The following DENND2A variants were observed in gnomAD, a reference collection of about 807,000 sequenced individuals.
DENND2A encodes DENN domain-containing protein 2A.
Under a neutral mutation model 105.3 loss-of-function variants are expected in DENND2A, and 53 were observed. The ratio of observed to expected loss-of-function variants is 0.50; its 90% CI spans 0.40 to 0.63. The LOEUF is 0.63. Ranked by LOEUF, DENND2A falls within the 30% of genes least tolerant of loss-of-function variation. The pLI, the probability that DENND2A is intolerant of heterozygous loss-of-function variation, is 0.00. For synonymous variants in DENND2A, 522 were observed against 508.4 expected, an observed-to-expected ratio of 1.03 and a Z score of -0.36; for missense variants, 1,138 against 1,279.6, an observed-to-expected ratio of 0.89 and a Z score of 1.69.
chr7:140,623,440 G>T (rs895758437), intron 1 of DENND2A, among the ~76,000 whole-genome samples: 2 of 149,336 alleles, frequency 1.3e-5, no homozygotes, highest in Non-Finnish European at 3.0e-5. Context: ...CCTAAAGAGC[G>T]TATGGAGGGC....
chr7:140,589,964 G>A (rs57561934), intron 3 of DENND2A, among the ~76,000 whole-genome samples: 5,508 of 152,156 alleles, frequency 0.036, 177 homozygotes, highest in African/African-American at 0.092. Flanking sequence ...GTCAAATTTC[G>A]AAATGATAAA....
intron 14 of DENND2A, 145 bp downstream of exon 14, chr7:140,544,473 G>T (rs1563129021): frequency 1.9e-6 from 2 of 1,035,696 alleles, no homozygotes; most frequent in African/African-American, 1.6e-5. Context: ...GAGATTACAG[G>T]TGTGAGTCAC....
chr7:140,544,274 A>G (rs1368522588), intron 14 of DENND2A: 3 of 402,108 alleles, frequency 7.5e-6, no homozygotes, highest in African/African-American at 2.0e-5. Context: ...AGCTCACTGC[A>G]ATGTCCACCT....
intron 2 of DENND2A, among the ~76,000 whole-genome samples, chr7:140,603,530 G>C (rs1219468738): frequency 1.3e-5 from 2 of 152,230 alleles, no homozygotes; most frequent in Admixed American, 1.3e-4. Flanking sequence ...CCTCACTAGA[G>C]TGAGCTCTTC....
At chr7:140,585,506 C>G (rs1156606018) in intron 5 of DENND2A, 83 bp downstream of exon 5, 1 of 1,581,030 alleles carries the variant, frequency 6.3e-7, no homozygotes, top group East Asian at 2.2e-5. Flanking sequence ...GCCTGGAATT[C>G]CAGTGCTGGC....
chr7:140,628,344 G>A (rs1003213095), intron 1 of DENND2A, among the ~76,000 whole-genome samples: 1 of 152,166 alleles, frequency 6.6e-6, no homozygotes, highest in Non-Finnish European at 1.5e-5. Context: ...GGTGCCAACT[G>A]TGAAAGTAAG....
In DENND2A at chr7:140,523,304, T is replaced by TA. The variant is rs1795928801; in HGVS notation, c.2665+2dup. 2 of 1,613,936 alleles carry TA rather than the reference T, an allele frequency of 1.2e-6. No individual in the cohort carries two copies. Among genetic ancestry groups the TA allele is most frequent in the Admixed American group, 1.7e-5 (1 of 59,994 alleles). ...ACCCACTGGGAGGTGGCTGAACACT[T>TA]ACCGTGCCTGCCGTCTAGGGGCCCT... On this transcript the variant is annotated splice_region_variant and intron_variant, in intron 17 of 19. Transcript: ENST00000496613. The surrounding 1 kb of genome is among the most constrained non-coding windows in gnomAD (Gnocchi z 4.5).
chr7:140,568,850 G>T (rs1230320817), intron 7 of DENND2A, 37 bp from the exon 8 acceptor site: 1 of 1,602,822 alleles, frequency 6.2e-7, no homozygotes, highest in Admixed American at 1.7e-5. Flanking sequence ...TTGCAAATGT[G>T]AGTTCTTCTC....
At chr7:140,621,810 T>G (rs937912719) in intron 1 of DENND2A, among the ~76,000 whole-genome samples, 1 of 152,194 alleles carries the variant, frequency 6.6e-6, no homozygotes, top group African/African-American at 2.4e-5. Context: ...ATGCCACTTG[T>G]GGAAGAGCAG....
chr7:140,553,274 A>G (rs1449594373), intron 12 of DENND2A, among the ~76,000 whole-genome samples: 2 of 152,192 alleles, frequency 1.3e-5, no homozygotes, highest in East Asian at 1.9e-4. Context: ...TAGACAAGGT[A>G]AAGAATAAAG....
At position 140,519,697 on chromosome 7, in the gene DENND2A, T is replaced by C. The variant is rs1795783930; in HGVS notation, c.2933A>G (p.Gln978Arg). The C allele has an allele frequency of 6.2e-7, 1 of 1,614,122 alleles. No homozygotes were observed. The highest frequency in any genetic ancestry group is 8.5e-7 in the Non-Finnish European group (1 of 1,180,008). ...ACTGGGGAGTGTTTCCAGATACTCT[T>C]GGGCTCGGACCTCAAACAGACCTGT... Reference protein sequence around the residue: ...DAKGLFEVRAQEYLETLPSGE... With the variant: ...DAKGLFEVRAREYLETLPSGE... Residue 978 changes from glutamine to arginine, a missense_variant, in exon 19 of 20, where the codon CAA (glutamine) becomes CGA (arginine). Transcript: ENST00000496613.
rs1398070242 is a variant in DENND2A, at chr7:140,601,578, T to G, written c.820A>C (p.Lys274Gln). ...NPLPKPRRTF[K>Q]HAGEGDKDGK... ...TCTTTGTCCCCTTCTCCGGCATGTT[T>G]GAACGTTCTCCGGGGTTTTGGCAGA... The change falls in exon 3 of 20, where the codon AAA (lysine) becomes CAA (glutamine). Residue 274 changes from lysine to glutamine, a missense_variant. Physicochemically the swap from Lys to Gln is moderately conservative, Grantham distance 53 (BLOSUM62 1). This residue lies in a region of DENND2A where 511 missense variants were observed against 499.9 expected (regional missense o/e 1.02). Coordinates refer to ENST00000496613, the MANE Select transcript of DENND2A (RefSeq NM_015689.5). The G allele has an allele frequency of 6.2e-7, 1 of 1,614,194 alleles. No individual in the cohort carries two copies. The highest frequency in any genetic ancestry group is 2.2e-5 in the East Asian group (1 of 44,884).
chr7:140,573,732 C>A (rs751568160), intron 6 of DENND2A, 76 bp downstream of exon 6: 80 of 1,501,022 alleles, frequency 5.3e-5, no homozygotes, highest in Middle Eastern at 2.4e-4. Flanking sequence ...TATTCTCCAC[C>A]CAGACCCCTC....
intron 3 of DENND2A, among the ~76,000 whole-genome samples, chr7:140,599,982 GAGATGT>G (rs1241155978): frequency 6.6e-6 from 1 of 152,068 alleles, no homozygotes; most frequent in African/African-American, 2.4e-5. Flanking sequence ...AGCAGTGGAG[GAGATGT>G]AGGCAGATTT....
chr7:140,565,456 A>G (rs77267272), intron 9 of DENND2A, among the ~76,000 whole-genome samples: 4,917 of 152,274 alleles, frequency 0.032, 269 homozygotes, highest in African/African-American at 0.11. Context: ...CTTGAATGCA[A>G]TATATTCTTA....
intron 3 of DENND2A, among the ~76,000 whole-genome samples, chr7:140,593,871 G>A (rs954528007): frequency 5.9e-5 from 9 of 151,770 alleles, no homozygotes; most frequent in African/African-American, 2.2e-4. Flanking sequence ...CCAGGCTGCT[G>A]ACAGGATGGT....
chr7:140,585,759 T>G, intron 4 of DENND2A, 49 bp from the exon 5 acceptor site: 1 of 1,612,400 alleles, frequency 6.2e-7, no homozygotes, highest in Non-Finnish European at 8.5e-7. Context: ...TGAGGACATT[T>G]CCCTTTTCAA....
chr7:140,598,749 A>T (rs939173790), intron 3 of DENND2A, among the ~76,000 whole-genome samples: 3 of 152,328 alleles, frequency 2.0e-5, no homozygotes, highest in Middle Eastern at 3.4e-3. Flanking sequence ...ATAGCATGTC[A>T]AATAATTATA....
chr7:140,542,478 CCA>C (rs1796703017), intron 14 of DENND2A, among the ~76,000 whole-genome samples: 1 of 152,028 alleles, frequency 6.6e-6, no homozygotes, highest in Non-Finnish European at 1.5e-5. Context: ...TGGCCTCTGT[CCA>C]CCACTGCCGG....
Sources: allele counts gnomAD v4.1 joint callset (sites outside exome capture counted in the v4.1 genomes callset), GRCh38; gene constraint gnomAD v4.1.1; regional missense constraint gnomAD v4.1.1; non-coding constraint Gnocchi (gnomAD v3.1); transcripts MANE v1.5; gene names NCBI Gene and HGNC (gene_info 2026-07-23, HGNC 2026-07-21).